The following CACNA1C variants were observed in gnomAD, a reference collection of about 807,000 sequenced individuals.
CACNA1C encodes voltage-dependent L-type calcium channel subunit alpha-1C.
Under a neutral mutation model 229.0 loss-of-function variants are expected in CACNA1C, and 30 were observed. The observed-to-expected ratio is 0.13, with a 90% CI of 0.10 to 0.18. CACNA1C has a LOEUF of 0.18. Ranked by LOEUF, CACNA1C falls within the 10% of genes least tolerant of loss-of-function variation. CACNA1C has a pLI of 1.00. For missense variants in CACNA1C, 1,658 were observed against 2,845.0 expected, an observed-to-expected ratio of 0.58 and a Z score of 9.49; for synonymous variants, 1,114 against 1,132.5, an observed-to-expected ratio of 0.98 and a Z score of 0.33.
rs746595546 is a variant in CACNA1C, at chr12:2,170,845, G to T, written c.477+50415G>T. On this transcript the variant is annotated intron_variant, in intron 3 of 46. Coordinates refer to ENST00000399655, the MANE Select transcript of CACNA1C (RefSeq NM_000719.7). ...CCTAGGCCCGTAGATTCTAGGGAGG[G>T]CACTCCAGGCCTGCAGGGGCCCTGA... Among the ~76,000 whole-genome samples the T allele has an allele frequency of 1.2e-4, 19 of 152,340 alleles. 1 individual carries two copies. Among genetic ancestry groups the T allele is most frequent in the Admixed American group, 5.2e-4 (8 of 15,310 alleles).
chr12:2,187,646 G>C (rs2097082796), intron 3 of CACNA1C, among the ~76,000 whole-genome samples: 1 of 152,262 alleles, frequency 6.6e-6, no homozygotes, highest in Non-Finnish European at 1.5e-5. Context: ...CGACAGGCCA[G>C]AGGGCTGAAG....
intron 7 of CACNA1C, among the ~76,000 whole-genome samples, chr12:2,494,637 C>T (rs139059363): frequency 7.7e-4 from 117 of 152,354 alleles, no homozygotes; most frequent in African/African-American, 2.6e-3. Context: ...AAAAGGAAAT[C>T]ATGCCAAGAG....
chr12:2,117,982 G>C (rs941317680), intron 2 of CACNA1C, among the ~76,000 whole-genome samples: 1 of 152,252 alleles, frequency 6.6e-6, no homozygotes, highest in African/African-American at 2.4e-5. Context: ...AGGGAACTCA[G>C]CTTAAAAAGT....
intron 3 of CACNA1C, among the ~76,000 whole-genome samples, chr12:2,301,622 C>G (rs907108659): frequency 6.6e-6 from 1 of 152,168 alleles, no homozygotes; most frequent in Non-Finnish European, 1.5e-5. Flanking sequence ...ATGTGGCCTG[C>G]AAACTGTCTT....
chr12:2,417,129 A>C (rs987537218), intron 3 of CACNA1C, among the ~76,000 whole-genome samples: 2 of 152,244 alleles, frequency 1.3e-5, no homozygotes, highest in African/African-American at 4.8e-5. Flanking sequence ...GCTTTGGTCC[A>C]ATGGTGAAAT....
chr12:2,310,828 C>T (rs1259210833), intron 3 of CACNA1C, among the ~76,000 whole-genome samples: 3 of 152,170 alleles, frequency 2.0e-5, no homozygotes, highest in African/African-American at 7.2e-5. Flanking sequence ...CCGCAAGACC[C>T]CCTTCCTAAT....
At chr12:2,060,950 T>A (rs977763617) in intron 1 of CACNA1C, among the ~76,000 whole-genome samples, 1 of 152,274 alleles carries the variant, frequency 6.6e-6, no homozygotes, top group African/African-American at 2.4e-5. Context: ...GTCATTTATA[T>A]TCCTTTCTTT....
upstream of CACNA1C, among the ~76,000 whole-genome samples, chr12:2,051,107 G>C (rs562387387): frequency 1.3e-5 from 2 of 152,316 alleles, no homozygotes; most frequent in South Asian, 4.1e-4. Flanking sequence ...GATAGGGAGC[G>C]CTGTGGGGGT....
intron 3 of CACNA1C, among the ~76,000 whole-genome samples, chr12:2,409,961 A>G (rs1215539121): frequency 6.6e-6 from 1 of 152,218 alleles, no homozygotes; most frequent in East Asian, 1.9e-4. Context: ...AGGGAGAACT[A>G]GTGGAAGGGA....
chr12:2,469,767 C>A (rs1436724813), intron 5 of CACNA1C, among the ~76,000 whole-genome samples: 5 of 152,136 alleles, frequency 3.3e-5, no homozygotes, highest in Non-Finnish European at 7.3e-5. Flanking sequence ...TTGTGCAAAA[C>A]AGAAATACTT....
intron 5 of CACNA1C, among the ~76,000 whole-genome samples, chr12:2,466,208 T>G (rs1164321594): frequency 6.6e-6 from 1 of 152,144 alleles, no homozygotes; most frequent in Non-Finnish European, 1.5e-5. Flanking sequence ...TTTTCACACT[T>G]TGATGGTTTA....
chr12:2,246,228 C>T (rs1326287762), intron 3 of CACNA1C, among the ~76,000 whole-genome samples: 1 of 152,204 alleles, frequency 6.6e-6, no homozygotes, highest in African/African-American at 2.4e-5. Flanking sequence ...GGCAGGACAA[C>T]TGCAGTGGGG....
chr12:2,056,052 G>A (rs559275623), intron 1 of CACNA1C, among the ~76,000 whole-genome samples: 9 of 152,300 alleles, frequency 5.9e-5, no homozygotes, highest in South Asian at 2.1e-4. Flanking sequence ...TAATGGTGAC[G>A]AAACAAAGAG....
chr12:2,059,337 T>C (rs2056527405), intron 1 of CACNA1C, among the ~76,000 whole-genome samples: 2 of 151,814 alleles, frequency 1.3e-5, no homozygotes, highest in African/African-American at 4.9e-5. Context: ...CTGAACTGAA[T>C]TTAAGTTGGG....
At chr12:2,017,876 G>C (rs2045664720) in intron 1 of CACNA1C, among the ~76,000 whole-genome samples, 1 of 152,024 alleles carries the variant, frequency 6.6e-6, no homozygotes, top group Non-Finnish European at 1.5e-5. Context: ...CTCCCATTTT[G>C]GCTTGAAGGC....
At chr12:2,210,577 C>T (rs753542883) in intron 3 of CACNA1C, among the ~76,000 whole-genome samples, 1 of 152,146 alleles carries the variant, frequency 6.6e-6, no homozygotes, top group Non-Finnish European at 1.5e-5. Context: ...ACCCAGTTCA[C>T]GTGGTGCTTG....
At chr12:2,340,855 A>T (rs886381742) in intron 3 of CACNA1C, among the ~76,000 whole-genome samples, 1 of 152,000 alleles carries the variant, frequency 6.6e-6, no homozygotes, top group African/African-American at 2.4e-5. Flanking sequence ...TACTCAGGAG[A>T]CTGAGGCAGG....
chr12:2,250,307 T>G (rs920368632), intron 3 of CACNA1C, among the ~76,000 whole-genome samples: 1 of 152,156 alleles, frequency 6.6e-6, no homozygotes, highest in Non-Finnish European at 1.5e-5. Context: ...TCCCAGCACC[T>G]GGAGTTGGGA....
chr12:2,457,503 A>G, intron 4 of CACNA1C, 64 bp from the exon 5 acceptor site: 1 of 1,552,598 alleles, frequency 6.4e-7, no homozygotes, highest in Non-Finnish European at 8.8e-7. Context: ...TCCAGAGGTC[A>G]GAGCCCCAGC....
Sources: gnomAD v4.1 joint callset for allele counts (sites outside exome capture counted in the v4.1 genomes callset) on GRCh38, gnomAD v4.1.1 for gene constraint, MANE v1.5 for transcripts, NCBI Gene and HGNC (gene_info 2026-07-23, HGNC 2026-07-21) for gene names.